The following NID1 variants were observed in gnomAD, a reference collection of about 807,000 sequenced individuals.
The protein encoded by NID1 is nidogen 1.
Under a neutral mutation model 130.6 loss-of-function variants are expected in NID1, and 76 were observed. The ratio of observed to expected loss-of-function variants is 0.58; its 90% CI spans 0.48 to 0.70. NID1 has a LOEUF of 0.70. Among genes scored for constraint, NID1 ranks in the 30% least tolerant of loss-of-function variants. The pLI is 0.00. For missense variants in NID1, 1,517 were observed against 1,664.8 expected (o/e 0.91, Z 1.54); for synonymous variants, 665 against 675.1 (o/e 0.98, Z 0.23).
In NID1 at chr1:236,004,681, G is replaced by C. The variant is rs937974012; in HGVS notation, c.2527+7240C>G. Among the ~76,000 whole-genome samples the C allele has an allele frequency of 1.1e-4, 16 of 143,772 alleles. 1 individual carries two copies. Among genetic ancestry groups the C allele is most frequent in the Admixed American group, 6.6e-4 (9 of 13,576 alleles). The allele number at this position is 143,772 out of a possible 152,430, so 94.3% of individuals were successfully genotyped here. On this transcript the variant is annotated intron_variant, in intron 12 of 19. Coordinates refer to ENST00000264187, the MANE Select transcript of NID1 (RefSeq NM_002508.3). ...GGAGGCTAAGGCAGGAGAATGGTGT[G>C]AACCCGGGAGGCGGAGCTTGCAGTG... is the stretch of plus-strand genomic sequence containing the variant.
At chr1:235,978,589 A>G (rs1308165729) in intron 19 of NID1, among the ~76,000 whole-genome samples, 17 of 152,226 alleles carry the variant, frequency 1.1e-4, no homozygotes, top group Non-Finnish European at 1.5e-4. Context: ...ACTCTAAGTG[A>G]GTTGATATAT....
rs529939107 is a variant in NID1, at chr1:235,983,373, G to A, written c.3056-1591C>T. 2.2e-3 allele frequency among the ~76,000 whole-genome samples: 340 copies of A among 152,328 alleles called. 3 individuals carry two copies. Among genetic ancestry groups the A allele is most frequent in the South Asian group, 9.9e-3 (48 of 4,826 alleles). ...AAGATCTTTATTATCTAAACACAAAGTAGAGATTTTTAAAATATTAAAATA... is the reference window on the plus strand; with the variant it reads ...AAGATCTTTATTATCTAAACACAAAATAGAGATTTTTAAAATATTAAAATA... On this transcript the variant is annotated intron_variant, in intron 15 of 19. Transcript: ENST00000264187.
intron 4 of NID1, 147 bp from the exon 5 acceptor site, chr1:236,038,400 A>C: frequency 1.3e-6 from 1 of 746,742 alleles, no homozygotes; most frequent in Non-Finnish European, 2.0e-6. Context: ...GAAGATTACA[A>C]TCCCCTACAG....
chr1:236,025,243 T>C (rs1361715084), intron 8 of NID1, among the ~76,000 whole-genome samples: 1 of 146,402 alleles, frequency 6.8e-6, no homozygotes, highest in Non-Finnish European at 1.5e-5. Flanking sequence ...TGAGCCACCA[T>C]GCTCGGCCCT....
intron 1 of NID1, chr1:236,060,843 A>T (rs1660019109): frequency 6.6e-6 from 1 of 151,958 alleles, no homozygotes; most frequent in African/African-American, 2.4e-5. Flanking sequence ...GCCCTTGAGG[A>T]TGCAACACCA....
chr1:235,993,918 G>T, intron 12 of NID1, 46 bp from the exon 13 acceptor site: 1 of 1,563,214 alleles, frequency 6.4e-7, no homozygotes. Flanking sequence ...TGCGTCATCC[G>T]TCAGCGCTCC....
Position 236,045,768 on chromosome 1 carries a change from G to A in NID1, c.526-85C>T, listed in dbSNP as rs543513003. ...TTATTCGCCAGACTATCTATAAAGCGTACAGTGCTATAGAGCGATGGCAAT... is the reference window on the plus strand; with the variant it reads ...TTATTCGCCAGACTATCTATAAAGCATACAGTGCTATAGAGCGATGGCAAT... On this transcript the variant is annotated intron_variant, in intron 2 of 19. Coordinates refer to ENST00000264187, the MANE Select transcript of NID1 (RefSeq NM_002508.3). 35 of 1,077,390 alleles carry A rather than the reference G, an allele frequency of 3.2e-5. 1 individual carries two copies. The highest frequency in any genetic ancestry group is 8.8e-5 in the Admixed American group (4 of 45,630). 66.7% of individuals were successfully genotyped at this position (1,077,390 alleles called of 1,614,324 possible). A position where few individuals can be genotyped will look rare whatever the true frequency, so the allele number is the denominator to read the frequency against.
intron 4 of NID1, 36 bp from the exon 5 acceptor site, chr1:236,038,289 T>G: frequency 6.3e-7 from 1 of 1,596,194 alleles, no homozygotes; most frequent in South Asian, 1.1e-5. Flanking sequence ...CTGTAAGCAT[T>G]TCATGCAGCT....
chr1:236,025,525 G>C, intron 8 of NID1, among the ~76,000 whole-genome samples: 1 of 152,258 alleles, frequency 6.6e-6, no homozygotes, highest in Non-Finnish European at 1.5e-5. Context: ...GCCTCCCAAA[G>C]TGCTGGGATT....
intron 1 of NID1, among the ~76,000 whole-genome samples, chr1:236,063,153 C>CAAAAAAAAAA (rs57769010): frequency 2.8e-4 from 22 of 79,692 alleles, no homozygotes; most frequent in Middle Eastern, 9.4e-3. Flanking sequence ...GACTTCATCT[C>CAAAAAAAAAA]AAAAAAAAAA....
intron 2 of NID1, among the ~76,000 whole-genome samples, chr1:236,046,327 C>T (rs954520707): frequency 1.3e-4 from 20 of 152,138 alleles, no homozygotes; most frequent in Admixed American, 1.3e-3. Flanking sequence ...TGCCTGTAAT[C>T]CCAGCACTTT....
In NID1 at chr1:236,042,014, C is replaced by A. The variant is rs1485971134; in HGVS notation, c.1031G>T (p.Gly344Val). The change falls in exon 4 of 20, where the codon GGA becomes GTA. Residue 344 changes from glycine to valine, a missense_variant. Physicochemically the swap from Gly to Val is moderately radical, Grantham distance 109 (BLOSUM62 -3). This residue lies in a region of NID1 where 1,329 missense variants were observed against 1,429.2 expected (regional missense o/e 0.93). Transcript: ENST00000264187. ...AGACCTGGTTCTCTCTGTGGGAGGT[C>A]CAAGGGGCCTTTCGGTAGCTGCCCG... ...PRRAATERPL[G>V]PPTERTRSFQ... 8.1e-6 allele frequency: 13 copies of A among 1,614,172 alleles called. No homozygotes were observed. The highest frequency in any genetic ancestry group is 1.1e-5 in the Non-Finnish European group (13 of 1,180,036).
chr1:236,036,147 G>A (rs1572610553), intron 5 of NID1, among the ~76,000 whole-genome samples: 1 of 152,188 alleles, frequency 6.6e-6, no homozygotes, highest in East Asian at 1.9e-4. Flanking sequence ...TTTTATTGTG[G>A]ATTTTGGAAG....
intron 3 of NID1, among the ~76,000 whole-genome samples, chr1:236,043,362 G>A (rs1174700287): frequency 6.6e-6 from 1 of 152,142 alleles, no homozygotes; most frequent in African/African-American, 2.4e-5. Flanking sequence ...TGTGGGGTCT[G>A]CAGTAACGCC....
At chr1:236,042,487 A>T (rs1439424126) in intron 3 of NID1, among the ~76,000 whole-genome samples, 195 bp from the exon 4 acceptor site, 2 of 152,170 alleles carry the variant, frequency 1.3e-5, no homozygotes, top group African/African-American at 4.8e-5. Context: ...GTCTGGTGAG[A>T]CTGTGTCCAA....
At position 235,991,059 on chromosome 1, in the gene NID1, C is replaced by T. The variant is rs752051457; in HGVS notation, c.2756-1G>A. On this transcript the variant is annotated splice_acceptor_variant, in intron 13 of 19. Transcript: ENST00000264187. LOFTEE classifies it high-confidence loss of function. ...ATCGGGGGAGCCACTGTACTCAGAC[C>T]TGCATGGCAGAGGGGGTCAGTGAGG... 6.3e-7 allele frequency: 1 copy of T among 1,580,922 alleles called. No individual in the cohort carries two copies. The highest frequency in any genetic ancestry group is 8.6e-7 in the Non-Finnish European group (1 of 1,164,894).
chr1:236,063,636 A>G (rs1472191903), intron 1 of NID1, among the ~76,000 whole-genome samples: 1 of 151,984 alleles, frequency 6.6e-6, no homozygotes, highest in Non-Finnish European at 1.5e-5. Flanking sequence ...TTAAAACTTT[A>G]TACTGCCCAG....
chr1:236,043,589 G>T (rs1444176427), intron 3 of NID1, among the ~76,000 whole-genome samples: 2 of 152,116 alleles, frequency 1.3e-5, no homozygotes, highest in Admixed American at 6.5e-5. Context: ...ATGAGGTCAG[G>T]AGATCGAGAC....
chr1:236,036,220 C>G (rs1243102066), intron 5 of NID1, among the ~76,000 whole-genome samples: 1 of 152,146 alleles, frequency 6.6e-6, no homozygotes, highest in South Asian at 2.1e-4. Flanking sequence ...AGACACACCA[C>G]CCCTGGGGTG....
Sources: allele counts gnomAD v4.1 joint callset (sites outside exome capture counted in the v4.1 genomes callset), GRCh38; gene constraint gnomAD v4.1.1; regional missense constraint gnomAD v4.1.1; transcripts MANE v1.5; gene names NCBI Gene and HGNC (gene_info 2026-07-23, HGNC 2026-07-21).